RPS6KA5: variants seen among roughly 807,000 people sequenced by gnomAD.
The protein encoded by RPS6KA5 is ribosomal protein S6 kinase A5, also known as ribosomal protein S6 kinase alpha-5.
RPS6KA5 carries 27 observed loss-of-function variants against 85.5 expected under a neutral mutation model. The observed-to-expected ratio is 0.32, with a 90% CI of 0.23 to 0.44. The LOEUF (loss-of-function observed/expected upper bound fraction) is 0.44, where lower values mean the gene tolerates loss of function less well. Ranked by LOEUF, RPS6KA5 falls within the 20% of genes least tolerant of loss-of-function variation. The pLI, the probability that RPS6KA5 is intolerant of heterozygous loss-of-function variation, is 1.00. For synonymous variants in RPS6KA5, 334 were observed against 348.2 expected (o/e 0.96, Z 0.46); for missense variants, 811 against 980.9 (o/e 0.83, Z 2.31).
chr14:90,985,043 C>A (rs1435437169), intron 2 of RPS6KA5, among the ~76,000 whole-genome samples: 1 of 151,946 alleles, frequency 6.6e-6, no homozygotes, highest in Admixed American at 6.6e-5. Flanking sequence ...TGGGTTCAAG[C>A]AATTCTCCTA....
intron 7 of RPS6KA5, among the ~76,000 whole-genome samples, chr14:90,916,700 C>T (rs1045088302): frequency 7.0e-6 from 1 of 142,218 alleles, no homozygotes; most frequent in African/African-American, 2.6e-5. Context: ...CACACACACA[C>T]AAAACCATGA....
intron 5 of RPS6KA5, among the ~76,000 whole-genome samples, chr14:90,934,040 C>G (rs1317484276): frequency 6.6e-6 from 1 of 152,170 alleles, no homozygotes; most frequent in Non-Finnish European, 1.5e-5. Flanking sequence ...CACCCTATTC[C>G]CTATTCCTGT....
At chr14:91,022,855 G>A (rs1355639137) in intron 1 of RPS6KA5, among the ~76,000 whole-genome samples, 1 of 152,122 alleles carries the variant, frequency 6.6e-6, no homozygotes, top group African/African-American at 2.4e-5. Flanking sequence ...GGGAGGCCGA[G>A]GCAGGCAGAT....
rs77182464 is a variant in RPS6KA5 at position 91,015,180 on chromosome 14, T to C, written c.104-14021A>G. ...AAAAGCTAGTTCCCTCAAGTGTTAGTTTATAAACCATTAACTATTTGACAG... is the reference window on the plus strand; with the variant it reads ...AAAAGCTAGTTCCCTCAAGTGTTAGCTTATAAACCATTAACTATTTGACAG... On this transcript the variant is annotated intron_variant, in intron 1 of 16. Coordinates refer to ENST00000614987, the MANE Select transcript of RPS6KA5 (RefSeq NM_004755.4). Among the ~76,000 whole-genome samples, 334 of 152,296 alleles carry C rather than the reference T, an allele frequency of 2.2e-3. 5 individuals carry two copies. The highest frequency in any genetic ancestry group is 7.7e-3 in the African/African-American group (320 of 41,554).
rs1387875228 is a variant in RPS6KA5, at chr14:90,858,041, A to G, written c.*14033T>C. On this transcript the variant is annotated 3_prime_UTR_variant, in exon 17 of 17. Coordinates refer to ENST00000614987, the MANE Select transcript of RPS6KA5 (RefSeq NM_004755.4). ...GGCGATTAAAAATGATTACCACCAG[A>G]TTTTTGCTTTTGGCCACAATAGAGT... is the stretch of plus-strand genomic sequence containing the variant. 6.6e-6 allele frequency: 1 copy of G among 152,154 alleles called. No individual in the cohort carries two copies. The highest frequency in any genetic ancestry group is 2.4e-5 in the African/African-American group (1 of 41,426). The allele number at this position is 152,154 out of a possible 1,614,324, so 9.4% of individuals were successfully genotyped here.
intron 1 of RPS6KA5, among the ~76,000 whole-genome samples, chr14:91,044,360 AAAG>A (rs2042748265): frequency 4.9e-5 from 1 of 20,478 alleles, no homozygotes; most frequent in Non-Finnish European, 1.1e-4. Flanking sequence ...AGAAAGAAAG[AAAG>A]AGAAAGAAAG....
At chr14:90,963,720 C>A (rs547808190) in intron 3 of RPS6KA5, among the ~76,000 whole-genome samples, 1 of 152,272 alleles carries the variant, frequency 6.6e-6, no homozygotes, top group South Asian at 2.1e-4. Flanking sequence ...CAATCAACTC[C>A]AGGTAAATGG....
At chr14:90,998,198 T>C (rs1241867134) in intron 2 of RPS6KA5, among the ~76,000 whole-genome samples, 1 of 152,108 alleles carries the variant, frequency 6.6e-6, no homozygotes, top group African/African-American at 2.4e-5. Flanking sequence ...TGTTTAGGAC[T>C]GGGGAGGATG....
At chr14:91,047,693 A>G (rs1293755786) in intron 1 of RPS6KA5, among the ~76,000 whole-genome samples, 1 of 152,100 alleles carries the variant, frequency 6.6e-6, no homozygotes, top group Non-Finnish European at 1.5e-5. Context: ...TAACACCACA[A>G]ATTCGTTTTC....
At position 90,867,566 on chromosome 14, in the gene RPS6KA5, C is replaced by T. The variant is rs1409366499; in HGVS notation, c.*4508G>A. 6.6e-6 allele frequency: 1 copy of T among 152,118 alleles called. No homozygotes were observed. Among genetic ancestry groups the T allele is most frequent in the Non-Finnish European group, 1.5e-5 (1 of 68,008 alleles). 9.4% of individuals were successfully genotyped at this position (152,118 alleles called of 1,614,324 possible). On this transcript the variant is annotated 3_prime_UTR_variant, in exon 17 of 17. Transcript: ENST00000614987. ...TAGTTAGAATACTACTACAAAATGT[C>T]CTTCTACCTCTCCCACAAGAAATAC...
intron 2 of RPS6KA5, among the ~76,000 whole-genome samples, chr14:90,982,705 G>A (rs1048936538): frequency 9.8e-5 from 15 of 152,316 alleles, no homozygotes; most frequent in Middle Eastern, 3.4e-3. Flanking sequence ...GGGGCCGGGC[G>A]CAGTGGCTCA....
At position 91,060,392 on chromosome 14, in the gene RPS6KA5, T is replaced by C. The variant is rs751292340; in HGVS notation, c.43A>G (p.Ser15Gly). 3 of 1,509,784 alleles carry C rather than the reference T, an allele frequency of 2.0e-6. No individual in the cohort carries two copies. Among genetic ancestry groups the C allele is most frequent in the South Asian group, 2.5e-5 (2 of 78,878 alleles). The allele number at this position is 1,509,784 out of a possible 1,614,324, so 93.5% of individuals were successfully genotyped here. Reference protein sequence around the residue: ...GGSSGGAAGTSADGGDGGEQL... With the variant: ...GGSSGGAAGTGADGGDGGEQL... Reference sequence around the variant, plus strand: ...TCTCCTCCGTCGCCGCCGTCCGCGCTGGTCCCCGCGGCGCCGCCGCTGCTG... The same window carrying C: ...TCTCCTCCGTCGCCGCCGTCCGCGCCGGTCCCCGCGGCGCCGCCGCTGCTG... Residue 15 changes from serine to glycine, a missense_variant, in exon 1 of 17, where the codon AGC becomes GGC. This residue lies in a region of RPS6KA5 where 113 missense variants were observed against 100.0 expected (regional missense o/e 1.13). Coordinates refer to ENST00000614987, the MANE Select transcript of RPS6KA5 (RefSeq NM_004755.4).
At chr14:90,934,465 C>T (rs558712383) in intron 5 of RPS6KA5, among the ~76,000 whole-genome samples, 1 of 152,108 alleles carries the variant, frequency 6.6e-6, no homozygotes, top group African/African-American at 2.4e-5. Context: ...AGTTCTGAAT[C>T]ATTTTCCTTT....
chr14:90,934,851 T>C (rs1194972665), intron 5 of RPS6KA5, among the ~76,000 whole-genome samples: 1 of 152,192 alleles, frequency 6.6e-6, no homozygotes, highest in Non-Finnish European at 1.5e-5. Flanking sequence ...CTCAAGCTAA[T>C]GTGTTGGCAT....
chr14:90,920,321 CAAT>C lies in RPS6KA5; in HGVS notation c.703-15_703-13del, dbSNP rs773540184. On this transcript the variant is annotated splice_polypyrimidine_tract_variant and intron_variant, in intron 6 of 16. Transcript: ENST00000614987. ...CACCAGTCAACTGCCTATAAAACAA[CAAT>C]AATTTCATTTTATAGAATTATCAAC... The C allele has an allele frequency of 4.7e-6, 7 of 1,477,222 alleles. No homozygotes were observed. Among genetic ancestry groups the C allele is most frequent in the South Asian group, 3.6e-5 (3 of 83,252 alleles). The allele number at this position is 1,477,222 out of a possible 1,614,324, so 91.5% of individuals were successfully genotyped here. A position where few individuals can be genotyped will look rare whatever the true frequency, so the allele number is the denominator to read the frequency against.
chr14:90,995,380 T>C (rs1014370759), intron 2 of RPS6KA5, among the ~76,000 whole-genome samples: 1 of 152,184 alleles, frequency 6.6e-6, no homozygotes, highest in African/African-American at 2.4e-5. Context: ...ACGGAAGGCT[T>C]TTACTGCTTA....
At chr14:90,976,543 T>TC (rs1251318501) in intron 3 of RPS6KA5, among the ~76,000 whole-genome samples, 1 of 152,128 alleles carries the variant, frequency 6.6e-6, no homozygotes, top group Non-Finnish European at 1.5e-5. Flanking sequence ...GAGGGAAGGG[T>TC]CCTGCACTAA....
At chr14:91,025,444 T>C (rs2041955017) in intron 1 of RPS6KA5, among the ~76,000 whole-genome samples, 1 of 152,236 alleles carries the variant, frequency 6.6e-6, no homozygotes, top group Non-Finnish European at 1.5e-5. Context: ...ACTGTTTTCC[T>C]TTCCCTAATT....
intron 1 of RPS6KA5, among the ~76,000 whole-genome samples, chr14:91,011,309 A>T (rs1235769189): frequency 6.6e-6 from 1 of 151,992 alleles, no homozygotes; most frequent in Non-Finnish European, 1.5e-5. Flanking sequence ...AACATGGTGA[A>T]ACCCCGTCTC....
Sources: allele counts gnomAD v4.1 joint callset (sites outside exome capture counted in the v4.1 genomes callset), GRCh38; gene constraint gnomAD v4.1.1; regional missense constraint gnomAD v4.1.1; transcripts MANE v1.5; gene names NCBI Gene and HGNC (gene_info 2026-07-23, HGNC 2026-07-21).